Variants in CPEB2 observed in about 807,000 individuals in gnomAD.
CPEB2 encodes cytoplasmic polyadenylation element binding protein 2.
A neutral mutation model predicts 93.6 loss-of-function variants in CPEB2; 56 were observed. That is an observed-to-expected ratio of 0.60 (90% CI 0.48 to 0.75). The LOEUF is 0.75. Ranked by LOEUF, CPEB2 falls within the 30% of genes least tolerant of loss-of-function variation. The pLI is 0.00. For missense variants in CPEB2, 1,579 were observed against 1,395.1 expected (o/e 1.13, Z -2.10); for synonymous variants, 764 against 586.3 (o/e 1.30, Z -4.38).
At chr4:15,034,402 C>A (rs1726407715) in intron 5 of CPEB2, among the ~76,000 whole-genome samples, 1 of 152,130 alleles carries the variant, frequency 6.6e-6, no homozygotes, top group African/African-American at 2.4e-5. Flanking sequence ...GGGAAAAGCC[C>A]TTATAAATAA....
In CPEB2 at chr4:15,066,706, A is replaced by G; in HGVS notation, c.*326A>G. On this transcript the variant is annotated 3_prime_UTR_variant, in exon 12 of 12. Coordinates refer to ENST00000538197, the MANE Select transcript of CPEB2 (RefSeq NM_001177382.2). ...GGGGCAACACAGTCTGCTGCTATAT[A>G]GTGGGGGAAGCGTGCACTTATTTCT... 2 of 260,974 alleles carry G rather than the reference A, an allele frequency of 7.7e-6. No homozygotes were observed. Among genetic ancestry groups the G allele is most frequent in the Non-Finnish European group, 7.4e-6 (1 of 135,988 alleles). 16.2% of individuals were successfully genotyped at this position (260,974 alleles called of 1,614,324 possible). A position where few individuals can be genotyped will look rare whatever the true frequency, so the allele number is the denominator to read the frequency against.
intron 6 of CPEB2, among the ~76,000 whole-genome samples, chr4:15,041,174 T>G (rs945498286): frequency 1.3e-5 from 2 of 152,152 alleles, no homozygotes; most frequent in Non-Finnish European, 2.9e-5. Context: ...GTAGCTGATG[T>G]TTTCTGTGGC....
intron 10 of CPEB2, among the ~76,000 whole-genome samples, chr4:15,060,592 G>A (rs986335658): frequency 1.3e-5 from 2 of 152,126 alleles, no homozygotes; most frequent in Non-Finnish European, 2.9e-5. Context: ...CTTTTACTGA[G>A]ATGGAAGGAA....
rs889222456 is a variant in CPEB2, at chr4:15,068,803, C to T, written c.*2423C>T. 21 of 152,046 alleles carry T rather than the reference C, an allele frequency of 1.4e-4. No individual in the cohort carries two copies. Among genetic ancestry groups the T allele is most frequent in the Middle Eastern group, 3.4e-3 (1 of 294 alleles). 9.4% of individuals were successfully genotyped at this position (152,046 alleles called of 1,614,324 possible). On this transcript the variant is annotated 3_prime_UTR_variant, in exon 12 of 12. Coordinates refer to ENST00000538197, the MANE Select transcript of CPEB2 (RefSeq NM_001177382.2). ...ATGTACTAGAACACCCTTTTTGCCA[C>T]GGGTAAAAATAACAGAAATGTATGG...
chr4:15,003,645 T>A lies in CPEB2; in HGVS notation c.972T>A (p.Ser324Arg), dbSNP rs1031372181. 2.4e-5 allele frequency: 35 copies of A among 1,479,958 alleles called. 1 individual carries two copies. The highest frequency in any genetic ancestry group is 4.5e-5 in the Admixed American group (2 of 44,266). 91.7% of individuals were successfully genotyped at this position (1,479,958 alleles called of 1,614,324 possible). A position where few individuals can be genotyped will look rare whatever the true frequency, so the allele number is the denominator to read the frequency against. The change falls in exon 1 of 12, where the codon AGT (serine) becomes AGA (arginine). Residue 324 changes from serine to arginine, a missense_variant. Physicochemically the swap from Ser to Arg is moderately radical, Grantham distance 110. Around this residue, in one of 2 missense-constraint regions of CPEB2, gnomAD observed 1,411 missense variants for 1,056.0 expected, o/e 1.34. Coordinates refer to ENST00000538197, the MANE Select transcript of CPEB2 (RefSeq NM_001177382.2). Reference sequence around the variant, plus strand: ...CCCCCAACCACCCTCTGCTCAACAGTCCCAGTAACCTCCTGCCCGGAGGTG... The same window carrying A: ...CCCCCAACCACCCTCTGCTCAACAGACCCAGTAACCTCCTGCCCGGAGGTG... ...MESPNHPLLNSPSNLLPGGAL... is the reference protein window; with the variant it reads ...MESPNHPLLNRPSNLLPGGAL...
Position 15,054,143 on chromosome 4 carries a change from G to C in CPEB2, c.2387G>C (p.Ser796Thr). ...CTTTCTTAAGATGAAATAACTGCTA[G>C]CTTCAGAAGATTTGGGCCTTTGGTA... ...PDIDEDEITA[S>T]FRRFGPLVVD... The change falls in exon 8 of 12, where the codon AGC becomes ACC. Residue 796 changes from serine to threonine, a missense_variant. Transcript: ENST00000538197. The C allele has an allele frequency of 1.2e-6, 2 of 1,608,620 alleles. No homozygotes were observed. Among genetic ancestry groups the C allele is most frequent in the Non-Finnish European group, 1.7e-6 (2 of 1,177,504 alleles).
At chr4:15,006,197 TA>T (rs1165341481) in intron 1 of CPEB2, among the ~76,000 whole-genome samples, 15 of 152,314 alleles carry the variant, frequency 9.8e-5, no homozygotes, top group Non-Finnish European at 1.2e-4. Flanking sequence ...GAAAGAGTAA[TA>T]ATATACTCAT....
intron 5 of CPEB2, among the ~76,000 whole-genome samples, chr4:15,035,011 G>C (rs932884063): frequency 2.4e-4 from 36 of 152,236 alleles, no homozygotes; most frequent in Middle Eastern, 3.4e-3. Flanking sequence ...TTTATTAAAT[G>C]TTATTGACTG....
At chr4:15,025,292 C>T (rs1244556345) in intron 4 of CPEB2, among the ~76,000 whole-genome samples, 1 of 151,964 alleles carries the variant, frequency 6.6e-6, no homozygotes, top group East Asian at 1.9e-4. Flanking sequence ...GATCTTATTT[C>T]TCTGGAGGCT....
rs1729871329 is a variant in CPEB2 at position 15,068,542 on chromosome 4, A to G, written c.*2162A>G. ...TTTGACTGATGACATCTCCTTTGCTATACCTCAATTTTTGGAATTTAGAGA... is the reference window on the plus strand; with the variant it reads ...TTTGACTGATGACATCTCCTTTGCTGTACCTCAATTTTTGGAATTTAGAGA... On this transcript the variant is annotated 3_prime_UTR_variant, in exon 12 of 12. Transcript: ENST00000538197. 1 of 152,238 alleles carries G rather than the reference A, an allele frequency of 6.6e-6. No homozygotes were observed. Among genetic ancestry groups the G allele is most frequent in the South Asian group, 2.1e-4 (1 of 4,826 alleles). 9.4% of individuals were successfully genotyped at this position (152,238 alleles called of 1,614,324 possible).
At position 15,007,325 on chromosome 4, in the gene CPEB2, C is replaced by G. The variant is rs146170791; in HGVS notation, c.1683C>G (p.Pro561=). 6.5e-7 allele frequency: 1 copy of G among 1,543,670 alleles called. No homozygotes were observed. The highest frequency in any genetic ancestry group is 8.8e-7 in the Non-Finnish European group (1 of 1,136,148). Residue 561 remains proline, a synonymous_variant, in exon 2 of 12, where the codon CCC becomes CCG. Transcript: ENST00000538197. The part of the protein sequence containing the change: ...NHHQPLLKQS[P]WSNHQSSGWG... ...CCTAGCCTCTTCTGAAACAGTCTCCCTGGAGCAACCATCAGAGCAGTGGCT... is the reference window on the plus strand; with the variant it reads ...CCTAGCCTCTTCTGAAACAGTCTCCGTGGAGCAACCATCAGAGCAGTGGCT...
At chr4:15,021,065 A>G (rs1724749638) in intron 4 of CPEB2, among the ~76,000 whole-genome samples, 2 of 152,146 alleles carry the variant, frequency 1.3e-5, no homozygotes, top group African/African-American at 4.8e-5. Flanking sequence ...TAGCCCTGGC[A>G]TAGCTTGTTT....
chr4:15,003,815 C>T lies in CPEB2; in HGVS notation c.1142C>T (p.Thr381Ile). The change falls in exon 1 of 12, where the codon ACC (threonine) becomes ATC (isoleucine). Residue 381 changes from threonine to isoleucine, a missense_variant. Thr to Ile is a moderately conservative substitution (Grantham distance 89). Around this residue, in one of 2 missense-constraint regions of CPEB2, gnomAD observed 1,411 missense variants for 1,056.0 expected, o/e 1.34. Coordinates refer to ENST00000538197, the MANE Select transcript of CPEB2 (RefSeq NM_001177382.2). Reference protein sequence around the residue: ...ASPPPLPGFGTPWSVQTASPP... With the variant: ...ASPPPLPGFGIPWSVQTASPP... ...CCGCCGCCGCTGCCCGGCTTCGGCA[C>T]CCCCTGGTCGGTGCAGACCGCGTCG... 3 of 995,636 alleles carry T rather than the reference C, an allele frequency of 3.0e-6. No individual in the cohort carries two copies. Among genetic ancestry groups the T allele is most frequent in the South Asian group, 3.8e-5 (1 of 26,582 alleles). The allele number at this position is 995,636 out of a possible 1,614,324, so 61.7% of individuals were successfully genotyped here.
intron 3 of CPEB2, among the ~76,000 whole-genome samples, chr4:15,010,981 A>G (rs1055560783): frequency 2.0e-5 from 3 of 152,178 alleles, no homozygotes; most frequent in African/African-American, 7.2e-5. Flanking sequence ...TATTTTAAAT[A>G]AGATTTTTTA....
intron 6 of CPEB2, among the ~76,000 whole-genome samples, chr4:15,049,121 C>T (rs552676353): frequency 2.5e-4 from 38 of 151,798 alleles, no homozygotes; most frequent in Admixed American, 8.5e-4. Context: ...AGCTGAACTT[C>T]GTTAATAGAT....
chr4:15,046,003 A>G (rs183955805), intron 6 of CPEB2, among the ~76,000 whole-genome samples: 3 of 152,120 alleles, frequency 2.0e-5, no homozygotes, highest in African/African-American at 2.4e-5. Flanking sequence ...CCATTTTCCT[A>G]TTGATAGATG....
intron 4 of CPEB2, among the ~76,000 whole-genome samples, chr4:15,030,766 T>C (rs569796757): frequency 4.4e-4 from 67 of 152,260 alleles, no homozygotes; most frequent in African/African-American, 1.5e-3. Flanking sequence ...TGTATACATA[T>C]GTATACAATA....
Position 15,052,587 on chromosome 4 carries a change from A to G in CPEB2, c.2371+3A>G, listed in dbSNP as rs759725254. On this transcript the variant is annotated splice_donor_region_variant and intron_variant, in intron 7 of 11. Coordinates refer to ENST00000538197, the MANE Select transcript of CPEB2 (RefSeq NM_001177382.2). ...TCTTCCTCCAGATATTGATGAAGGT[A>G]TTTATTAAGATATTTATTAACATGG... The G allele has an allele frequency of 1.4e-5, 21 of 1,485,834 alleles. No homozygotes were observed. Among genetic ancestry groups the G allele is most frequent in the Middle Eastern group, 1.8e-4 (1 of 5,538 alleles). 92.0% of individuals were successfully genotyped at this position (1,485,834 alleles called of 1,614,324 possible).
chr4:15,042,052 C>T (rs1318647866), intron 6 of CPEB2, among the ~76,000 whole-genome samples: 1 of 152,156 alleles, frequency 6.6e-6, no homozygotes, highest in Non-Finnish European at 1.5e-5. Flanking sequence ...TATGGACTAG[C>T]TTATTTCACT....
Sources: allele counts gnomAD v4.1 joint callset (sites outside exome capture counted in the v4.1 genomes callset), GRCh38; gene constraint gnomAD v4.1.1; regional missense constraint gnomAD v4.1.1; transcripts MANE v1.5; gene names NCBI Gene and HGNC (gene_info 2026-07-23, HGNC 2026-07-21).